Variants in PRMT3 observed in about 807,000 individuals in gnomAD.
PRMT3 encodes the protein protein arginine methyltransferase 3.
PRMT3 carries 62 observed loss-of-function variants against 71.9 expected under a neutral mutation model. The observed-to-expected ratio is 0.86, with a 90% CI of 0.70 to 1.07. PRMT3 has a LOEUF of 1.07. Ranked by LOEUF, PRMT3 falls within the 50% of genes least tolerant of loss-of-function variation. The pLI is 0.00. For missense variants in PRMT3, 663 were observed against 643.0 expected, an observed-to-expected ratio of 1.03 and a Z score of -0.34; for synonymous variants, 213 against 220.4, an observed-to-expected ratio of 0.97 and a Z score of 0.30.
chr11:20,448,554 C>T (rs1158437021), intron 10 of PRMT3, among the ~76,000 whole-genome samples: 2 of 151,994 alleles, frequency 1.3e-5, no homozygotes, highest in Non-Finnish European at 2.9e-5. Flanking sequence ...ATATTTGTAA[C>T]TCTACCTTGT....
intron 11 of PRMT3, among the ~76,000 whole-genome samples, chr11:20,457,364 A>G (rs1050986355): frequency 2.0e-5 from 3 of 152,182 alleles, no homozygotes; most frequent in Non-Finnish European, 4.4e-5. Flanking sequence ...GCATAATGGA[A>G]AGCATATGGA....
At chr11:20,458,719 C>G (rs1254445798) in intron 11 of PRMT3, among the ~76,000 whole-genome samples, 1 of 152,016 alleles carries the variant, frequency 6.6e-6, no homozygotes, top group African/African-American at 2.4e-5. Context: ...ATCTTACTAA[C>G]CGAAAGATTA....
At chr11:20,417,774 T>TCA (rs34609751) in intron 9 of PRMT3, among the ~76,000 whole-genome samples, 8,436 of 149,404 alleles carry the variant, frequency 0.056, 322 homozygotes, top group African/African-American at 0.12. Flanking sequence ...TCTCTCTCTG[T>TCA]CACACACACA....
At chr11:20,459,438 C>G (rs1212999688) in intron 11 of PRMT3, among the ~76,000 whole-genome samples, 1 of 152,096 alleles carries the variant, frequency 6.6e-6, no homozygotes, top group African/African-American at 2.4e-5. Context: ...TTATCTGTAT[C>G]TAGCCTGCTG....
intron 15 of PRMT3, among the ~76,000 whole-genome samples, chr11:20,500,838 G>A (rs1025430482): frequency 3.3e-5 from 5 of 152,104 alleles, no homozygotes; most frequent in African/African-American, 4.8e-5. Context: ...GGCAACATTC[G>A]AACACATTTT....
chr11:20,477,094 T>C (rs10833334), intron 13 of PRMT3, among the ~76,000 whole-genome samples: 36,030 of 152,072 alleles, frequency 0.24, 4,528 homozygotes, highest in South Asian at 0.38. Context: ...AAAATAAAGC[T>C]GAGTTTATGG....
At chr11:20,391,202 C>G (rs1231946302) in intron 3 of PRMT3, among the ~76,000 whole-genome samples, 3 of 152,162 alleles carry the variant, frequency 2.0e-5, no homozygotes, top group African/African-American at 7.2e-5. Context: ...ACTGCAAGTA[C>G]TTTCGTAAGG....
chr11:20,408,049 C>T lies in PRMT3; in HGVS notation c.893+17C>T, dbSNP rs368162185. On this transcript the variant is annotated intron_variant, in intron 9 of 15. Transcript: ENST00000331079. ...TATTATAAGGTACATATATTTTAAGCCTTCATTTAAGATTATTTTAAAATT... is the reference window on the plus strand; with the variant it reads ...TATTATAAGGTACATATATTTTAAGTCTTCATTTAAGATTATTTTAAAATT... The T allele has an allele frequency of 7.5e-5, 111 of 1,483,092 alleles. 1 individual carries two copies. The African/African-American group carries it at 1.4e-3, about 19-fold the overall frequency. The allele number at this position is 1,483,092 out of a possible 1,614,324, so 91.9% of individuals were successfully genotyped here.
chr11:20,500,385 AAATT>A (rs541277622), intron 15 of PRMT3, among the ~76,000 whole-genome samples: 120 of 152,334 alleles, frequency 7.9e-4, no homozygotes, highest in African/African-American at 2.8e-3. Context: ...AGTTTTGTAG[AAATT>A]AATGGGCTAA....
At chr11:20,396,233 T>C (rs899734754) in intron 6 of PRMT3, among the ~76,000 whole-genome samples, 7 of 152,250 alleles carry the variant, frequency 4.6e-5, no homozygotes, top group African/African-American at 1.7e-4. Context: ...TCAGTTTTCC[T>C]GTTTGCATTG....
chr11:20,391,057 A>G (rs1592329115), intron 3 of PRMT3, among the ~76,000 whole-genome samples: 1 of 152,122 alleles, frequency 6.6e-6, no homozygotes. Context: ...CTCAAAAAAA[A>G]AAAAATAATA....
intron 5 of PRMT3, chr11:20,393,722 CT>C (rs1255307662): frequency 1.3e-5 from 2 of 152,012 alleles, no homozygotes; most frequent in African/African-American, 2.4e-5. Flanking sequence ...TAAGTTTAAT[CT>C]TTAATATATA....
intron 9 of PRMT3, among the ~76,000 whole-genome samples, chr11:20,420,417 A>C (rs1212662983): frequency 1.3e-5 from 2 of 152,144 alleles, no homozygotes; most frequent in Non-Finnish European, 2.9e-5. Context: ...CAGGCTGCGG[A>C]TGAGTATCTG....
chr11:20,504,034 T>C (rs1851520909), intron 15 of PRMT3, among the ~76,000 whole-genome samples: 1 of 152,242 alleles, frequency 6.6e-6, no homozygotes, highest in African/African-American at 2.4e-5. Context: ...TATGTAGTTA[T>C]AGCTGTGCTT....
In PRMT3 at chr11:20,404,226, T is replaced by G. The variant is rs368789644; in HGVS notation, c.771+1242T>G. 8.0e-3 allele frequency among the ~76,000 whole-genome samples: 665 copies of G among 83,300 alleles called. 71 individuals are homozygous for G. The highest frequency in any genetic ancestry group is 0.017 in the African/African-American group (325 of 18,936). 54.6% of individuals were successfully genotyped at this position (83,300 alleles called of 152,430 possible). A position where few individuals can be genotyped will look rare whatever the true frequency, so the allele number is the denominator to read the frequency against. On this transcript the variant is annotated intron_variant, in intron 8 of 15. Transcript: ENST00000331079. ...ACTTTTCATAGTTTTTTTTTTTTTT[T>G]TTTTTTTTTTTTTTTTTTTTTTTTT...
intron 9 of PRMT3, among the ~76,000 whole-genome samples, chr11:20,425,855 A>G (rs555568483): frequency 2.0e-5 from 3 of 152,304 alleles, no homozygotes; most frequent in East Asian, 3.9e-4. Context: ...TAACAAAACT[A>G]CCCTAAAATG....
At chr11:20,476,753 GA>G (rs774963805) in intron 13 of PRMT3, among the ~76,000 whole-genome samples, 2 of 8,378 alleles carry the variant, frequency 2.4e-4, no homozygotes, top group Non-Finnish European at 1.8e-3. Context: ...TTCATTTTTA[GA>G]GTTTTTTTAT....
chr11:20,445,683 G>T (rs1158374690), intron 10 of PRMT3, among the ~76,000 whole-genome samples: 1 of 151,994 alleles, frequency 6.6e-6, no homozygotes, highest in Non-Finnish European at 1.5e-5. Context: ...TTAGAACTCC[G>T]TACCCCAGAG....
At chr11:20,436,705 C>T (rs991652858) in intron 10 of PRMT3, among the ~76,000 whole-genome samples, 35 of 151,678 alleles carry the variant, frequency 2.3e-4, no homozygotes, top group African/African-American at 7.7e-4. Context: ...AGGACTTTTA[C>T]ATCTGTGTTC....
Sources: allele counts gnomAD v4.1 joint callset (sites outside exome capture counted in the v4.1 genomes callset), GRCh38; gene constraint gnomAD v4.1.1; transcripts MANE v1.5; gene names NCBI Gene and HGNC (gene_info 2026-07-23, HGNC 2026-07-21).